The following PABIR3 variants were observed in gnomAD, a reference collection of about 807,000 sequenced individuals.
PABIR3 encodes the protein PABIR family member 1.
PABIR3 carries 20 observed loss-of-function variants against 23.1 expected under a neutral mutation model. That is an observed-to-expected ratio of 0.86 (90% CI 0.61 to 1.26). The LOEUF is 1.26. PABIR3 is among the 50% of genes most tolerant of loss of function. The pLI, the probability that PABIR3 is intolerant of heterozygous loss-of-function variation, is 0.00. For synonymous variants in PABIR3, 69 were observed against 68.5 expected, an observed-to-expected ratio of 1.01 and a Z score of -0.04; for missense variants, 189 against 195.4, an observed-to-expected ratio of 0.97 and a Z score of 0.20.
At chrX:134,849,262 TTTAAG>T (rs2082541104) in intron 9 of PABIR3, 34 bp downstream of exon 9, 4 of 590,094 alleles carry the variant, frequency 6.8e-6, no homozygotes, top group Middle Eastern at 5.8e-4. Flanking sequence ...TAAATATAAC[TTTAAG>T]TTATTTTATA....
intron 4 of PABIR3, among the ~76,000 whole-genome samples, chrX:134,829,677 G>C (rs1478517438): frequency 9.0e-6 from 1 of 111,263 alleles, no homozygotes; most frequent in Admixed American, 9.6e-5. Context: ...TTAGTGATCT[G>C]AGTTCAGGGA....
At chrX:134,857,015 GA>G (rs111671075), downstream of PABIR3, among the ~76,000 whole-genome samples, 19,251 of 107,194 alleles carry the variant, frequency 0.18, 2,823 homozygotes, top group African/African-American at 0.49. Flanking sequence ...CCGTCTCAAA[GA>G]AAAAAAAAAT....
chrX:134,821,086 GTGTA>G (rs2081257450), intron 3 of PABIR3, among the ~76,000 whole-genome samples: 1 of 92,541 alleles, frequency 1.1e-5, no homozygotes. Flanking sequence ...GTGTGTGTGT[GTGTA>G]TATATATATA....
At chrX:134,836,494 G>C (rs1474414768) in intron 4 of PABIR3, among the ~76,000 whole-genome samples, 2 of 112,513 alleles carry the variant, frequency 1.8e-5, no homozygotes, top group Non-Finnish European at 3.8e-5. Flanking sequence ...GTGTCAGTAG[G>C]GTTGATTCCT....
upstream of PABIR3, among the ~76,000 whole-genome samples, chrX:134,805,513 C>T (rs745463396): frequency 6.2e-5 from 7 of 112,136 alleles, no homozygotes; most frequent in East Asian, 1.7e-3. Context: ...TAACTTGTCA[C>T]GAACTATCTC....
At chrX:134,826,354 C>T (rs1288269740) in intron 3 of PABIR3, among the ~76,000 whole-genome samples, 2 of 111,105 alleles carry the variant, frequency 1.8e-5, no homozygotes, top group African/African-American at 3.3e-5. Context: ...ATTTGTCTTC[C>T]ACCTCCCAGC....
At chrX:134,800,254 T>A (rs1569440889) in intron 1 of PABIR3, among the ~76,000 whole-genome samples, 4 of 102,087 alleles carry the variant, frequency 3.9e-5, no homozygotes, top group Non-Finnish European at 7.9e-5. Flanking sequence ...TGAGTTGAGA[T>A]CACACCACGG....
chrX:134,843,245 GTT>G (rs1411923552), intron 4 of PABIR3, among the ~76,000 whole-genome samples: 1 of 110,382 alleles, frequency 9.1e-6, no homozygotes, highest in East Asian at 2.8e-4. Flanking sequence ...CAGTTTATCT[GTT>G]TTTTTTCTCT....
At chrX:134,855,366 G>A (rs1006918298), downstream of PABIR3, among the ~76,000 whole-genome samples, 4 of 109,832 alleles carry the variant, frequency 3.6e-5, no homozygotes, top group Middle Eastern at 4.6e-3. Flanking sequence ...TCCGGGAGGT[G>A]GAGGTTGCAG....
intron 2 of PABIR3, among the ~76,000 whole-genome samples, 187 bp from the exon 3 acceptor site, chrX:134,814,584 G>T (rs897899706): frequency 1.8e-5 from 2 of 110,121 alleles, no homozygotes; most frequent in African/African-American, 6.6e-5. Context: ...TGTAATCCCA[G>T]CTACTAGGGG....
Position 134,854,218 on chromosome X carries a change from T to C in PABIR3, c.*1T>C. ...TGATACTGGTTCTCATTTGTTCTAG[T>C]AGACAAACTTTCAACTAAATGATTC... On this transcript the variant is annotated 3_prime_UTR_variant, in exon 11 of 11. Coordinates refer to ENST00000645433, the MANE Select transcript of PABIR3 (RefSeq NM_001388447.1). The C allele has an allele frequency of 8.3e-7, 1 of 1,205,865 alleles. No individual in the cohort carries two copies. Among genetic ancestry groups the C allele is most frequent in the Non-Finnish European group, 1.1e-6 (1 of 892,649 alleles).
At chrX:134,832,948 C>T (rs1041974319) in intron 4 of PABIR3, 2 of 111,052 alleles carry the variant, frequency 1.8e-5, no homozygotes, top group Non-Finnish European at 3.8e-5. Context: ...TTTTGAGGAA[C>T]CTCCAAACTT....
At chrX:134,799,660 T>G (rs1477132055) in intron 1 of PABIR3, 1 of 112,298 alleles carries the variant, frequency 8.9e-6, no homozygotes, top group Admixed American at 9.4e-5. Context: ...GACAAAAATT[T>G]GTCATACAAG....
intron 2 of PABIR3, chrX:134,809,505 T>C (rs1457462298): frequency 1.3e-6 from 1 of 751,972 alleles, no homozygotes; most frequent in African/African-American, 2.3e-5. Context: ...AATGAGATGT[T>C]GGATTTCACA....
chrX:134,814,244 T>C (rs2080841222), intron 2 of PABIR3, among the ~76,000 whole-genome samples: 1 of 111,738 alleles, frequency 8.9e-6, no homozygotes, highest in African/African-American at 3.3e-5. Flanking sequence ...TCATTCTCCG[T>C]AGCATGATTA....
At chrX:134,846,110 C>T (rs748286779) in intron 6 of PABIR3, among the ~76,000 whole-genome samples, 2 of 111,848 alleles carry the variant, frequency 1.8e-5, no homozygotes, top group African/African-American at 3.2e-5. Flanking sequence ...TGGCAGAAGG[C>T]ACCTCTTCAC....
intron 4 of PABIR3, among the ~76,000 whole-genome samples, chrX:134,843,562 CTTTTTTTT>C (rs140467304): frequency 4.7e-5 from 2 of 42,306 alleles, no homozygotes; most frequent in Admixed American, 3.8e-4. Context: ...AGGCTTATTT[CTTTTTTTT>C]TTTTTTTTTT....
Position 134,854,325 on chromosome X carries a change from A to C in PABIR3, c.*108A>C. On this transcript the variant is annotated 3_prime_UTR_variant, in exon 11 of 11. Transcript: ENST00000645433. ...CAGAGCAATGAGAATTGTACTGTAT[A>C]ATTTAAACTATCTCCTATTTATCTT... is the stretch of plus-strand genomic sequence containing the variant. 1.2e-6 allele frequency: 1 copy of C among 829,195 alleles called. No individual in the cohort carries two copies. Among genetic ancestry groups the C allele is most frequent in the Non-Finnish European group, 1.6e-6 (1 of 629,686 alleles). 68.3% of individuals were successfully genotyped at this position (829,195 alleles called of 1,213,427 possible).
chrX:134,818,934 CTTTT>C (rs1216993828), intron 3 of PABIR3, among the ~76,000 whole-genome samples: 2 of 77,059 alleles, frequency 2.6e-5, no homozygotes, highest in Non-Finnish European at 5.0e-5. Flanking sequence ...TTTTTTCTTT[CTTTT>C]TTTTTTTTTT....
Sources: allele counts gnomAD v4.1 joint callset (sites outside exome capture counted in the v4.1 genomes callset), GRCh38; gene constraint gnomAD v4.1.1; transcripts MANE v1.5; gene names NCBI Gene and HGNC (gene_info 2026-07-23, HGNC 2026-07-21).